Variants in ATE1 observed in about 807,000 individuals in gnomAD.
The protein encoded by ATE1 is arginyltransferase 1.
Under a neutral mutation model 70.5 loss-of-function variants are expected in ATE1, and 36 were observed. That is an observed-to-expected ratio of 0.51 (90% CI 0.39 to 0.67). ATE1 has a LOEUF of 0.67. Among genes scored for constraint, ATE1 ranks in the 30% least tolerant of loss-of-function variants. The pLI, the probability that ATE1 is intolerant of heterozygous loss-of-function variation, is 0.00. For synonymous variants in ATE1, 232 were observed against 219.3 expected, an observed-to-expected ratio of 1.06 and a Z score of -0.51; for missense variants, 593 against 629.5, an observed-to-expected ratio of 0.94 and a Z score of 0.62.
intron 5 of ATE1, among the ~76,000 whole-genome samples, chr10:121,906,966 C>T (rs867286577): frequency 2.6e-5 from 4 of 151,882 alleles, no homozygotes; most frequent in Admixed American, 2.6e-4. Context: ...AAAATAAGAA[C>T]CCTGCAAAAA....
At chr10:121,780,482 T>A (rs1945937277) in intron 11 of ATE1, among the ~76,000 whole-genome samples, 1 of 152,204 alleles carries the variant, frequency 6.6e-6, no homozygotes, top group Admixed American at 6.5e-5. Context: ...TGCAAACCCT[T>A]CTTAACTCTG....
Position 121,821,674 on chromosome 10 carries a change from A to C in ATE1, c.1257+15044T>G, listed in dbSNP as rs1374584812. Among the ~76,000 whole-genome samples the C allele has an allele frequency of 2.0e-5, 3 of 152,330 alleles. No individual in the cohort carries two copies. In the East Asian group the frequency reaches 5.8e-4, roughly 29 times the overall value. On this transcript the variant is annotated intron_variant, in intron 10 of 11. Coordinates refer to ENST00000224652, the MANE Select transcript of ATE1 (RefSeq NM_001001976.3). ...GGCAGATGGATCACTTGAGGTCAGG[A>C]GTTCAAGGGCAGCCTGGCCAATATG...
chr10:121,804,254 T>C (rs182707576), intron 10 of ATE1, among the ~76,000 whole-genome samples: 228 of 152,288 alleles, frequency 1.5e-3, no homozygotes, highest in African/African-American at 5.3e-3. Flanking sequence ...CCAGGGAATT[T>C]TGAATGATAA....
At chr10:121,761,092 C>T (rs1318124964) in intron 11 of ATE1, among the ~76,000 whole-genome samples, 1 of 152,210 alleles carries the variant, frequency 6.6e-6, no homozygotes, top group African/African-American at 2.4e-5. Flanking sequence ...CCTCTCCTCT[C>T]TCTTGCTTCC....
At chr10:121,835,160 G>C (rs1218534303) in intron 10 of ATE1, among the ~76,000 whole-genome samples, 1 of 152,012 alleles carries the variant, frequency 6.6e-6, no homozygotes, top group Non-Finnish European at 1.5e-5. Flanking sequence ...AGTAATTCAG[G>C]CATAAAGGAA....
chr10:121,850,985 G>A (rs1176506104), intron 8 of ATE1, among the ~76,000 whole-genome samples: 5 of 149,240 alleles, frequency 3.4e-5, no homozygotes, highest in African/African-American at 9.8e-5. Context: ...CAGTTACTTG[G>A]GAGGCTGAGG....
intron 4 of ATE1, among the ~76,000 whole-genome samples, chr10:121,911,455 A>AC (rs1554933106): frequency 5.3e-4 from 80 of 151,698 alleles, no homozygotes; most frequent in Non-Finnish European, 8.7e-4. Flanking sequence ...AAAAAAAAAA[A>AC]AAAAACAAAA....
intron 5 of ATE1, among the ~76,000 whole-genome samples, chr10:121,907,784 T>C (rs1951259217): frequency 6.6e-6 from 1 of 151,148 alleles, no homozygotes; most frequent in Admixed American, 6.6e-5. Flanking sequence ...AAAAAAAAGA[T>C]TAAAATGCTG....
intron 10 of ATE1, among the ~76,000 whole-genome samples, chr10:121,825,921 A>G (rs1420407200): frequency 6.6e-6 from 1 of 152,254 alleles, no homozygotes; most frequent in African/African-American, 2.4e-5. Flanking sequence ...GGATTGGGGC[A>G]GCCCAGATGC....
At chr10:121,755,471 T>C (rs544369495) in intron 11 of ATE1, among the ~76,000 whole-genome samples, 45 of 152,362 alleles carry the variant, frequency 3.0e-4, no homozygotes, top group Non-Finnish European at 5.0e-4. Flanking sequence ...ATATGTTCTT[T>C]GTATTATTCT....
rs778367799 is a variant in ATE1, at chr10:121,927,930, C to A, written c.20G>T (p.Gly7Val). 5 of 1,571,586 alleles carry A rather than the reference C, an allele frequency of 3.2e-6. No individual in the cohort carries two copies. Among genetic ancestry groups the A allele is most frequent in the South Asian group, 2.3e-5 (2 of 86,144 alleles). ...GAAATAGTCCACGACGCTGGGCGAACCCCCCGCCCAGAAAGCCATGGCCTC... is the reference window on the plus strand; with the variant it reads ...GAAATAGTCCACGACGCTGGGCGAAACCCCCGCCCAGAAAGCCATGGCCTC... MAFWAGGSPSVVDYFPS... is the reference protein window; with the variant it reads MAFWAGVSPSVVDYFPS... Residue 7 changes from glycine (G) to valine (V), a missense_variant, in exon 1 of 12, where the codon GGT becomes GTT. Gly to Val is a moderately radical substitution (Grantham distance 109). Coordinates refer to ENST00000224652, the MANE Select transcript of ATE1 (RefSeq NM_001001976.3).
At chr10:121,827,672 A>C (rs1948081163) in intron 10 of ATE1, among the ~76,000 whole-genome samples, 1 of 152,254 alleles carries the variant, frequency 6.6e-6, no homozygotes, top group Non-Finnish European at 1.5e-5. Flanking sequence ...ACATTTGAAG[A>C]CAATTTCCTT....
chr10:121,907,919 G>T (rs1170819798), intron 5 of ATE1, among the ~76,000 whole-genome samples: 1 of 152,052 alleles, frequency 6.6e-6, no homozygotes, highest in African/African-American at 2.4e-5. Context: ...TCTAGTGTGT[G>T]ATCTCCAAAT....
chr10:121,924,234 G>A, intron 2 of ATE1, 32 bp downstream of exon 2: 1 of 1,598,956 alleles, frequency 6.3e-7, no homozygotes, highest in Non-Finnish European at 8.6e-7. Flanking sequence ...CTGAGTAACA[G>A]TAGGAAGTCT....
chr10:121,783,787 G>A (rs537244995), intron 11 of ATE1, among the ~76,000 whole-genome samples: 25 of 152,220 alleles, frequency 1.6e-4, no homozygotes, highest in Non-Finnish European at 2.4e-4. Flanking sequence ...AAAGCATCAC[G>A]ATATTTTTGA....
rs1944220245 is a variant in ATE1 at position 121,743,671 on chromosome 10, G to A, written c.*9C>T. On this transcript the variant is annotated 3_prime_UTR_variant, in exon 12 of 12. Coordinates refer to ENST00000224652, the MANE Select transcript of ATE1 (RefSeq NM_001001976.3). Reference sequence around the variant, plus strand: ...ACAACACAGGAACTTCCCGGCAGAGGTGAACAGGTCAGTTTCTGAACAGCA... The same window carrying A: ...ACAACACAGGAACTTCCCGGCAGAGATGAACAGGTCAGTTTCTGAACAGCA... 1 of 1,599,194 alleles carries A rather than the reference G, an allele frequency of 6.3e-7. No homozygotes were observed. The highest frequency in any genetic ancestry group is 8.5e-7 in the Non-Finnish European group (1 of 1,173,412).
chr10:121,780,977 G>C (rs79745644), intron 11 of ATE1, among the ~76,000 whole-genome samples: 119 of 152,242 alleles, frequency 7.8e-4, no homozygotes, highest in African/African-American at 2.6e-3. Flanking sequence ...GTAAATACAT[G>C]CTGAGTGAAT....
At chr10:121,793,820 G>C (rs1460052839) in intron 10 of ATE1, among the ~76,000 whole-genome samples, 1 of 152,072 alleles carries the variant, frequency 6.6e-6, no homozygotes, top group African/African-American at 2.4e-5. Flanking sequence ...AAAATCTGAT[G>C]TGTGGTCAAA....
At chr10:121,809,638 T>C (rs1947238897) in intron 10 of ATE1, among the ~76,000 whole-genome samples, 2 of 152,032 alleles carry the variant, frequency 1.3e-5, no homozygotes, top group African/African-American at 4.8e-5. Context: ...GTATAATTAA[T>C]GCAAATGTCA....
Sources: gnomAD v4.1 joint callset for allele counts (sites outside exome capture counted in the v4.1 genomes callset) on GRCh38, gnomAD v4.1.1 for gene constraint, MANE v1.5 for transcripts, NCBI Gene and HGNC (gene_info 2026-07-23, HGNC 2026-07-21) for gene names.